PCDH15: variants seen among roughly 807,000 people sequenced by gnomAD.
PCDH15 encodes the protein protocadherin-15.
In PCDH15, 129 loss-of-function variants were observed where a neutral mutation model predicts 178.5. That is an observed-to-expected ratio of 0.72 (90% CI 0.63 to 0.84). The LOEUF is 0.84. Among genes scored for constraint, PCDH15 ranks in the 40% least tolerant of loss-of-function variants. The probability of loss-of-function intolerance (pLI) is 0.00; values close to 1 mark genes in which losing one functional copy is unlikely to be tolerated. For missense variants in PCDH15, 2,230 were observed against 2,099.9 expected (o/e 1.06, Z -1.21); for synonymous variants, 800 against 732.0 (o/e 1.09, Z -1.50).
chr10:54,194,614 G>GTC (rs1277462119), intron 11 of PCDH15, among the ~76,000 whole-genome samples: 2 of 151,076 alleles, frequency 1.3e-5, no homozygotes, highest in Non-Finnish European at 2.9e-5. Context: ...ATATATATGT[G>GTC]TGTGTGTGTG....
At chr10:55,067,667 C>T (rs1841601084) in intron 2 of PCDH15, among the ~76,000 whole-genome samples, 1 of 142,890 alleles carries the variant, frequency 7.0e-6, no homozygotes, top group African/African-American at 2.6e-5. Flanking sequence ...AACTTCCATG[C>T]TGCTTTCTAT....
chr10:54,734,607 C>T (rs1017098892), intron 1 of PCDH15, among the ~76,000 whole-genome samples: 3 of 151,936 alleles, frequency 2.0e-5, no homozygotes, highest in African/African-American at 7.2e-5. Flanking sequence ...ATGCAAATGG[C>T]TATATTGCCC....
chr10:54,921,628 C>G (rs1837490024), intron 2 of PCDH15, among the ~76,000 whole-genome samples: 1 of 152,140 alleles, frequency 6.6e-6, no homozygotes, highest in South Asian at 2.1e-4. Context: ...ATAATCACCT[C>G]TAGCTCCATC....
At chr10:54,406,653 A>G (rs1589245523) in intron 3 of PCDH15, among the ~76,000 whole-genome samples, 1 of 152,120 alleles carries the variant, frequency 6.6e-6, no homozygotes, top group East Asian at 1.9e-4. Flanking sequence ...CAGGAATTTG[A>G]TGGATCAGGA....
chr10:55,571,635 T>G (rs1842409131), intron 2 of PCDH15, among the ~76,000 whole-genome samples: 1 of 152,044 alleles, frequency 6.6e-6, no homozygotes, highest in African/African-American at 2.4e-5. Flanking sequence ...AATCTGTTAT[T>G]AGGTAAAAAT....
At chr10:54,812,512 G>A (rs1952879774) in intron 3 of PCDH15, among the ~76,000 whole-genome samples, 1 of 151,994 alleles carries the variant, frequency 6.6e-6, no homozygotes, top group East Asian at 1.9e-4. Context: ...AGGTTGGAGT[G>A]CAGTGGCGCG....
intron 25 of PCDH15, among the ~76,000 whole-genome samples, chr10:53,910,756 A>G (rs976585482): frequency 1.3e-5 from 2 of 152,206 alleles, no homozygotes; most frequent in African/African-American, 2.4e-5. Flanking sequence ...CAAGGAAGCT[A>G]AAAACCTTAA....
At chr10:54,759,704 T>C (rs993390434) in intron 1 of PCDH15, among the ~76,000 whole-genome samples, 4 of 152,240 alleles carry the variant, frequency 2.6e-5, no homozygotes, top group African/African-American at 9.6e-5. Context: ...CAATCAATAA[T>C]GCACACTATC....
At chr10:54,124,816 C>G (rs2041855042) in intron 15 of PCDH15, among the ~76,000 whole-genome samples, 1 of 151,948 alleles carries the variant, frequency 6.6e-6, no homozygotes, top group Admixed American at 6.6e-5. Context: ...AAGTAAAAAC[C>G]CTGAAATTTC....
intron 1 of PCDH15, among the ~76,000 whole-genome samples, chr10:55,276,263 A>G (rs1006891246): frequency 1.3e-5 from 2 of 150,962 alleles, no homozygotes; most frequent in East Asian, 3.9e-4. Context: ...AGAAGTAGTG[A>G]CTATGGACAT....
intron 18 of PCDH15, among the ~76,000 whole-genome samples, chr10:54,061,925 C>A (rs1435068127): frequency 6.6e-6 from 1 of 151,988 alleles, no homozygotes; most frequent in Non-Finnish European, 1.5e-5. Flanking sequence ...TACAACACTA[C>A]CTTTAAAAAC....
chr10:54,560,526 G>A (rs2087972225), intron 2 of PCDH15, among the ~76,000 whole-genome samples: 1 of 151,886 alleles, frequency 6.6e-6, no homozygotes, highest in Non-Finnish European at 1.5e-5. Context: ...AAAGGCAGTT[G>A]CCTAGATTTG....
intron 20 of PCDH15, among the ~76,000 whole-genome samples, chr10:54,003,555 C>T: frequency 6.6e-6 from 1 of 151,670 alleles, no homozygotes; most frequent in Admixed American, 6.6e-5. Flanking sequence ...CAAGATTGAA[C>T]TATGAAGAAA....
chr10:54,876,975 A>T (rs1954156581), intron 3 of PCDH15, among the ~76,000 whole-genome samples: 1 of 152,150 alleles, frequency 6.6e-6, no homozygotes, highest in Non-Finnish European at 1.5e-5. Flanking sequence ...TGAAAGGAAG[A>T]ATCAATCAAT....
intron 15 of PCDH15, among the ~76,000 whole-genome samples, chr10:54,111,537 C>T (rs2132707877): frequency 6.6e-6 from 1 of 152,210 alleles, no homozygotes. Flanking sequence ...TTTTCACTTT[C>T]TACTATAGTC....
At chr10:55,377,461 T>C (rs1244608530) in intron 2 of PCDH15, among the ~76,000 whole-genome samples, 1 of 151,894 alleles carries the variant, frequency 6.6e-6, no homozygotes, top group Non-Finnish European at 1.5e-5. Flanking sequence ...GATTTGCGTA[T>C]TCTATAAAAA....
intron 2 of PCDH15, among the ~76,000 whole-genome samples, chr10:54,992,449 T>C (rs1839524859): frequency 6.6e-6 from 1 of 152,000 alleles, no homozygotes; most frequent in African/African-American, 2.4e-5. Context: ...TACCTGAGAA[T>C]CCAGTGAAAA....
chr10:53,971,189 C>A (rs2089643971), intron 21 of PCDH15, among the ~76,000 whole-genome samples: 1 of 152,170 alleles, frequency 6.6e-6, no homozygotes. Context: ...ACAAAAACCA[C>A]ATGATTATCT....
At chr10:54,758,681 T>C (rs1353676335) in intron 1 of PCDH15, among the ~76,000 whole-genome samples, 1 of 152,218 alleles carries the variant, frequency 6.6e-6, no homozygotes, top group African/African-American at 2.4e-5. Flanking sequence ...ATTCTAGTTG[T>C]AGAAAAGCTT....
Sources: gnomAD v4.1 joint callset for allele counts (sites outside exome capture counted in the v4.1 genomes callset) on GRCh38, gnomAD v4.1.1 for gene constraint, MANE v1.5 for transcripts, NCBI Gene and HGNC (gene_info 2026-07-23, HGNC 2026-07-21) for gene names.